PRKN: variants seen among roughly 807,000 people sequenced by gnomAD.
The protein encoded by PRKN is E3 ubiquitin-protein ligase parkin.
In PRKN, 56 loss-of-function variants were observed where a neutral mutation model predicts 59.5. The observed-to-expected ratio is 0.94, with a 90% CI of 0.76 to 1.18. The LOEUF (loss-of-function observed/expected upper bound fraction) is 1.18. Among genes scored for constraint, PRKN ranks in the 50% most tolerant of loss-of-function variants. The probability of loss-of-function intolerance (pLI) is 0.00; values close to 1 mark genes in which losing one functional copy is unlikely to be tolerated. For missense variants in PRKN, 657 were observed against 596.4 expected (o/e 1.10, Z -1.06); for synonymous variants, 250 against 222.1 (o/e 1.13, Z -1.12).
chr6:161,591,940 A>G (rs978709778), intron 7 of PRKN, among the ~76,000 whole-genome samples: 2 of 152,162 alleles, frequency 1.3e-5, no homozygotes, highest in Non-Finnish European at 1.5e-5. Flanking sequence ...TTGGCGTCCA[A>G]GGAGTATTGA....
chr6:161,874,129 T>A (rs1352250605), intron 6 of PRKN, among the ~76,000 whole-genome samples: 2 of 60,344 alleles, frequency 3.3e-5, no homozygotes, highest in African/African-American at 1.5e-4. Context: ...ATATATAATA[T>A]ATATTATATG....
rs112930816 is a variant in PRKN at position 162,410,880 on chromosome 6, G to A, written c.171+32430C>T. On this transcript the variant is annotated intron_variant, in intron 2 of 11. Transcript: ENST00000366898. The stretch of plus-strand genomic sequence containing the variant: ...GCTCATGAGGATGAGGACTGTGACA[G>A]GGAAGAAGGAGGTGACAGGGAAAGG... Among the ~76,000 whole-genome samples the A allele has an allele frequency of 5.9e-5, 9 of 152,228 alleles. 1 individual carries two copies. Among genetic ancestry groups the A allele is most frequent in the African/African-American group, 2.2e-4 (9 of 41,548 alleles).
At chr6:162,020,623 C>T (rs913575938) in intron 5 of PRKN, among the ~76,000 whole-genome samples, 21 of 152,078 alleles carry the variant, frequency 1.4e-4, no homozygotes, top group African/African-American at 4.1e-4. Context: ...TCTACTAACT[C>T]GAGAAAAGCA....
In PRKN at chr6:161,484,558, A is replaced by G. The variant is rs1791564790; in HGVS notation, c.1083+64296T>C. Among the ~76,000 whole-genome samples, 1 of 152,170 alleles carries G rather than the reference A, an allele frequency of 6.6e-6. No homozygotes were observed. The highest frequency in any genetic ancestry group is 2.1e-4 in the South Asian group (1 of 4,824). ...AAGATGAGACAGTTGACACTTGGGA[A>G]GCTTAGGAAGGTTTCCCAAAGCAAG... On this transcript the variant is annotated intron_variant, in intron 9 of 11. Coordinates refer to ENST00000366898, the MANE Select transcript of PRKN (RefSeq NM_004562.3). The surrounding 1 kb of genome is among the most constrained non-coding windows in gnomAD (Gnocchi z 4.9).
At chr6:161,939,388 AG>A in intron 6 of PRKN, among the ~76,000 whole-genome samples, 1 of 128,776 alleles carries the variant, frequency 7.8e-6, no homozygotes, top group South Asian at 2.7e-4. Context: ...ACTGCACTCC[AG>A]GCCTGGGTGA....
At chr6:162,315,651 C>CA (rs1441636174) in intron 2 of PRKN, among the ~76,000 whole-genome samples, 1 of 152,058 alleles carries the variant, frequency 6.6e-6, no homozygotes, top group Non-Finnish European at 1.5e-5. Flanking sequence ...TCACTACCCA[C>CA]AAAAAAGGTA....
chr6:161,516,826 C>CAAAAAAA (rs369136348), intron 9 of PRKN, among the ~76,000 whole-genome samples: 168 of 62,930 alleles, frequency 2.7e-3, no homozygotes, highest in Non-Finnish European at 3.0e-3. Flanking sequence ...GACTCAATCT[C>CAAAAAAA]AAAAAAAAAA....
intron 3 of PRKN, among the ~76,000 whole-genome samples, chr6:162,247,859 CTTGTTAAT>C (rs752808545): frequency 6.6e-6 from 1 of 152,118 alleles, no homozygotes; most frequent in Non-Finnish European, 1.5e-5. Context: ...TTTTTGAACA[CTTGTTAAT>C]TTGATTAAAT....
At chr6:162,080,587 TA>T (rs1297011007) in intron 4 of PRKN, among the ~76,000 whole-genome samples, 6 of 152,164 alleles carry the variant, frequency 3.9e-5, no homozygotes, top group South Asian at 4.2e-4. Flanking sequence ...ATGTCTTAAT[TA>T]AAAAATACTT....
intron 4 of PRKN, among the ~76,000 whole-genome samples, chr6:162,140,998 C>T (rs1041936367): frequency 1.7e-4 from 26 of 152,062 alleles, no homozygotes; most frequent in South Asian, 6.2e-4. Context: ...GGCGTTGTGG[C>T]GGGCGCTTAT....
At chr6:162,137,276 T>G (rs1012685984) in intron 4 of PRKN, among the ~76,000 whole-genome samples, 2 of 152,186 alleles carry the variant, frequency 1.3e-5, no homozygotes, top group African/African-American at 4.8e-5. Flanking sequence ...ACTGAAATCA[T>G]GACTTGCTAT....
At chr6:161,742,936 A>ACCTGGT (rs1788248882) in intron 7 of PRKN, among the ~76,000 whole-genome samples, 1 of 152,102 alleles carries the variant, frequency 6.6e-6, no homozygotes, top group Non-Finnish European at 1.5e-5. Flanking sequence ...TTCCAATCCA[A>ACCTGGT]CCTGGTTCCT....
At chr6:162,387,425 C>T (rs1380367587) in intron 2 of PRKN, among the ~76,000 whole-genome samples, 1 of 151,666 alleles carries the variant, frequency 6.6e-6, no homozygotes, top group African/African-American at 2.4e-5. Context: ...TTTTGTTGTT[C>T]ATACAGAGAA....
chr6:162,152,492 G>A (rs1327440140), intron 4 of PRKN, among the ~76,000 whole-genome samples: 1 of 152,264 alleles, frequency 6.6e-6, no homozygotes, highest in East Asian at 1.9e-4. Context: ...TTGAAATTAA[G>A]TGAAAATGAT....
rs371654848 is a variant in PRKN at position 162,698,982 on chromosome 6, C to A, written c.7+28680G>T. ...CTTCAACATTTTCTGAAGAGCTCTT[C>A]ATTTCCATTAAAAGGGTTTTGTTAA... On this transcript the variant is annotated intron_variant, in intron 1 of 11. Transcript: ENST00000366898. Among the ~76,000 whole-genome samples, 177 of 152,246 alleles carry A rather than the reference C, an allele frequency of 1.2e-3. 1 individual carries two copies. Among genetic ancestry groups the A allele is most frequent in the African/African-American group, 4.1e-3 (170 of 41,546 alleles).
rs3857519 is a variant in PRKN, at chr6:161,552,800, G to T, written c.934-3797C>A. Among the ~76,000 whole-genome samples, 63,438 of 137,480 alleles carry T rather than the reference G, an allele frequency of 0.46. 14,756 individuals carry two copies. Among genetic ancestry groups the T allele is most frequent in the East Asian group, 0.66 (2,932 of 4,462 alleles). 90.2% of individuals were successfully genotyped at this position (137,480 alleles called of 152,430 possible). On this transcript the variant is annotated intron_variant, in intron 8 of 11. Transcript: ENST00000366898. This position sits in a 1 kb window ranked among gnomAD's most constrained non-coding sequence, Gnocchi z 4.9. The stretch of plus-strand genomic sequence containing the variant: ...GGTTTTGTTGTTGTTTTTGTTTTTT[G>T]TTTTTTTTTTTTAGACGGAGTCTCG...
intron 6 of PRKN, among the ~76,000 whole-genome samples, chr6:161,880,398 C>G (rs1311141211): frequency 5.3e-5 from 8 of 152,130 alleles, no homozygotes; most frequent in Non-Finnish European, 1.2e-4. Context: ...GAGATATGAT[C>G]ATATTTATCT....
In PRKN at chr6:161,447,136, A is replaced by G. The variant is rs1249080923; in HGVS notation, c.1084-60259T>C. Among the ~76,000 whole-genome samples, 1 of 152,176 alleles carries G rather than the reference A, an allele frequency of 6.6e-6. No homozygotes were observed. The highest frequency in any genetic ancestry group is 6.5e-5 in the Admixed American group (1 of 15,274). Reference sequence around the variant, plus strand: ...ACCCCACACTGAGCGTTACTATAGCAACATCTTTCCTGCTACTAGGACAGT... The same window carrying G: ...ACCCCACACTGAGCGTTACTATAGCGACATCTTTCCTGCTACTAGGACAGT... On this transcript the variant is annotated intron_variant, in intron 9 of 11. Coordinates refer to ENST00000366898, the MANE Select transcript of PRKN (RefSeq NM_004562.3). This position sits in a 1 kb window ranked among gnomAD's most constrained non-coding sequence, Gnocchi z 4.1.
At chr6:161,392,675 TC>T (rs1786567340) in intron 9 of PRKN, among the ~76,000 whole-genome samples, 1 of 151,910 alleles carries the variant, frequency 6.6e-6, no homozygotes, top group South Asian at 2.1e-4. Context: ...TAATACATTC[TC>T]CTTGGTATGT....
Sources: allele counts gnomAD v4.1 joint callset (sites outside exome capture counted in the v4.1 genomes callset), GRCh38; gene constraint gnomAD v4.1.1; non-coding constraint Gnocchi (gnomAD v3.1); transcripts MANE v1.5; gene names NCBI Gene and HGNC (gene_info 2026-07-23, HGNC 2026-07-21).